Variants in CXCL6 observed in about 807,000 individuals in gnomAD.
The protein encoded by CXCL6 is C-X-C motif chemokine 6.
CXCL6 carries 18 observed loss-of-function variants against 10.5 expected under a neutral mutation model. That is an observed-to-expected ratio of 1.71 (90% CI 1.18 to 2.54). The LOEUF is 2.54. Ranked by LOEUF, CXCL6 falls within the 30% of genes most tolerant of loss-of-function variation. The pLI, the probability that CXCL6 is intolerant of heterozygous loss-of-function variation, is 0.00. For missense variants in CXCL6, 171 were observed against 145.7 expected, an observed-to-expected ratio of 1.17 and a Z score of -0.90; for synonymous variants, 82 against 68.3, an observed-to-expected ratio of 1.20 and a Z score of -0.99.
rs763292477 is a variant in CXCL6, at chr4:73,836,802, T to C, written c.52T>C (p.Leu18=). 1.2e-6 allele frequency: 2 copies of C among 1,612,278 alleles called. No homozygotes were observed. Among genetic ancestry groups the C allele is most frequent in the South Asian group, 2.2e-5 (2 of 90,964 alleles). ...AARVPGPSGS[L]CALLALLLLL... ...CCGTGTCCCGGGTCCTTCGGGCTCCTTGTGCGCGCTGCTCGCGCTGCTGCT... is the reference window on the plus strand; with the variant it reads ...CCGTGTCCCGGGTCCTTCGGGCTCCCTGTGCGCGCTGCTCGCGCTGCTGCT... Residue 18 remains leucine (L), a synonymous_variant, in exon 1 of 4, where the codon TTG becomes CTG. Coordinates refer to ENST00000226317, the MANE Select transcript of CXCL6 (RefSeq NM_002993.4).
intron 1 of CXCL6, 21 bp from the exon 2 acceptor site, chr4:73,836,942 TA>T (rs1455472418): frequency 6.2e-7 from 1 of 1,603,560 alleles, no homozygotes; most frequent in African/African-American, 1.3e-5. Flanking sequence ...ACCTGCCCTA[TA>T]AAAATGTCTT....
At chr4:73,837,159 A>C (rs201300540) in intron 2 of CXCL6, 44 bp from the exon 3 acceptor site, 3 of 1,613,594 alleles carry the variant, frequency 1.9e-6, no homozygotes, top group South Asian at 2.2e-5. Context: ...CTGGGTCGTC[A>C]ACCTTTGTGG....
Position 73,837,625 on chromosome 4 carries a change from G to A in CXCL6, c.329G>A (p.Gly110Glu). The A allele has an allele frequency of 6.4e-7, 1 of 1,555,462 alleles. No homozygotes were observed. The highest frequency in any genetic ancestry group is 8.6e-7 in the Non-Finnish European group (1 of 1,162,924). Residue 110 changes from glycine to glutamate, a missense_variant and splice_region_variant, in exon 4 of 4, where the codon GGA becomes GAA. Physicochemically the swap from Gly to Glu is moderately conservative, Grantham distance 98. Coordinates refer to ENST00000226317, the MANE Select transcript of CXCL6 (RefSeq NM_002993.4). ...KKVIQKILDS[G>E]NKKN ...TAATATAACTCTTTTCTCAACAGTGGAAACAAGAAAAACTGAGTAACAAAA... is the reference window on the plus strand; with the variant it reads ...TAATATAACTCTTTTCTCAACAGTGAAAACAAGAAAAACTGAGTAACAAAA...
Position 73,836,798 on chromosome 4 carries a change from C to T in CXCL6, c.48C>T (p.Gly16=). The T allele has an allele frequency of 6.2e-7, 1 of 1,612,244 alleles. No individual in the cohort carries two copies. The highest frequency in any genetic ancestry group is 8.5e-7 in the Non-Finnish European group (1 of 1,179,500). The change falls in exon 1 of 4, where the codon GGC becomes GGT. Residue 16 remains glycine, a synonymous_variant. Transcript: ENST00000226317. ...CGGCCCGTGTCCCGGGTCCTTCGGG[C>T]TCCTTGTGCGCGCTGCTCGCGCTGC... ...SRAARVPGPS[G]SLCALLALLL...
At position 73,837,740 on chromosome 4, in the gene CXCL6, T is replaced by C. The variant is rs1456159845; in HGVS notation, c.*99T>C. 3.0e-6 allele frequency: 3 copies of C among 997,402 alleles called. No individual in the cohort carries two copies. In the African/African-American group the frequency reaches 5.1e-5, roughly 17 times the overall value. The allele number at this position is 997,402 out of a possible 1,614,324, so 61.8% of individuals were successfully genotyped here. A position where few individuals can be genotyped will look rare whatever the true frequency, so the allele number is the denominator to read the frequency against. ...AGTAAGAATAAGAAGGAAGGGTTGG[T>C]TTTTTTCCATTTTCTACATGGATTC... is the stretch of plus-strand genomic sequence containing the variant. On this transcript the variant is annotated 3_prime_UTR_variant, in exon 4 of 4. Coordinates refer to ENST00000226317, the MANE Select transcript of CXCL6 (RefSeq NM_002993.4).
rs767705063 is a variant in CXCL6, at chr4:73,837,664, A to T, written c.*23A>T. The T allele has an allele frequency of 6.5e-7, 1 of 1,548,628 alleles. No homozygotes were observed. The highest frequency in any genetic ancestry group is 8.6e-7 in the Non-Finnish European group (1 of 1,159,468). On this transcript the variant is annotated 3_prime_UTR_variant, in exon 4 of 4. Coordinates refer to ENST00000226317, the MANE Select transcript of CXCL6 (RefSeq NM_002993.4). ...TGAGTAACAAAAAAGACCATGCATC[A>T]TAAAATTGCCCAGTCTTCAGCGGAG...
chr4:73,837,982 C>T lies in CXCL6; in HGVS notation c.*341C>T, dbSNP rs73828860. ...AGATAACTATTGTATTTCTATCATA[C>T]ATTCCTTAAAGTCTTACCGAAAAGG... On this transcript the variant is annotated 3_prime_UTR_variant, in exon 4 of 4. Coordinates refer to ENST00000226317, the MANE Select transcript of CXCL6 (RefSeq NM_002993.4). The T allele has an allele frequency of 0.038, 7,774 of 205,984 alleles. 178 individuals carry two copies. Among genetic ancestry groups the T allele is most frequent in the African/African-American group, 0.073 (3,195 of 43,706 alleles). The allele number at this position is 205,984 out of a possible 1,614,324, so 12.8% of individuals were successfully genotyped here.
chr4:73,837,252 T>G lies in CXCL6; in HGVS notation c.292T>G (p.Phe98Val). The change falls in exon 3 of 4, where the codon TTT becomes GTT. Residue 98 changes from phenylalanine (F) to valine (V), a missense_variant. Phe to Val is a conservative substitution (Grantham distance 50, BLOSUM62 -1). Coordinates refer to ENST00000226317, the MANE Select transcript of CXCL6 (RefSeq NM_002993.4). ...KQVCLDPEAP[F>V]LKKVIQKILD... The stretch of plus-strand genomic sequence containing the variant: ...AGTTTGTCTGGACCCGGAAGCCCCT[T>G]TTCTAAAGAAAGTCATCCAGAAAAT... 1 of 1,614,218 alleles carries G rather than the reference T, an allele frequency of 6.2e-7. No individual in the cohort carries two copies. The highest frequency in any genetic ancestry group is 8.5e-7 in the Non-Finnish European group (1 of 1,180,032).
chr4:73,837,574 T>C (rs1168650051), intron 3 of CXCL6, 49 bp from the exon 4 acceptor site: 1 of 1,551,780 alleles, frequency 6.4e-7, no homozygotes, highest in Middle Eastern at 1.7e-4. Flanking sequence ...AAATGTAGCA[T>C]ACAAGAGTGT....
rs200901978 is a variant in CXCL6, at chr4:73,836,846, G to T, written c.96G>T (p.Gly32=). ...TGCTGCTCCTGCTGACGCCGCCGGG[G>T]CCCCTCGCCAGCGGTGAGAGCTCCT... ...LALLLLLTPP[G]PLASAGPVSA... Residue 32 remains glycine (G), a synonymous_variant, in exon 1 of 4, where the codon GGG becomes GGT. Transcript: ENST00000226317. 6.2e-7 allele frequency: 1 copy of T among 1,612,234 alleles called. No homozygotes were observed. Among genetic ancestry groups the T allele is most frequent in the South Asian group, 1.1e-5 (1 of 90,942 alleles).
intron 3 of CXCL6, 34 bp from the exon 4 acceptor site, chr4:73,837,589 A>G (rs756198302): frequency 1.9e-6 from 3 of 1,566,032 alleles, no homozygotes; most frequent in South Asian, 2.4e-5. Context: ...GAGTGTGGGA[A>G]TTGGTTATAC....
rs2109754549 is a variant in CXCL6 at position 73,837,427 on chromosome 4, C to A, written c.326+141C>A. 4.1e-6 allele frequency: 4 copies of A among 976,514 alleles called. No individual in the cohort carries two copies. In the East Asian group the frequency reaches 1.0e-4, roughly 25 times the overall value. 60.5% of individuals were successfully genotyped at this position (976,514 alleles called of 1,614,324 possible). A position where few individuals can be genotyped will look rare whatever the true frequency, so the allele number is the denominator to read the frequency against. ...TAAGAAGAATAAGGAAACTTTTTTT[C>A]TGGAATGTTCTGGGTAAACCTTTAT... On this transcript the variant is annotated intron_variant, in intron 3 of 3. Coordinates refer to ENST00000226317, the MANE Select transcript of CXCL6 (RefSeq NM_002993.4).
rs368709728 is a variant in CXCL6 at position 73,836,895 on chromosome 4, C to T, written c.109+36C>T. The T allele has an allele frequency of 1.9e-6, 3 of 1,608,874 alleles. No individual in the cohort carries two copies. The South Asian group carries it at 3.3e-5, about 18-fold the overall frequency. On this transcript the variant is annotated intron_variant, in intron 1 of 3. Coordinates refer to ENST00000226317, the MANE Select transcript of CXCL6 (RefSeq NM_002993.4). Reference sequence around the variant, plus strand: ...CTGGCACTGGGGTGCATCCCAGCCTCTGCGGGGCCGCTGCGTTCCAGGGAA... The same window carrying T: ...CTGGCACTGGGGTGCATCCCAGCCTTTGCGGGGCCGCTGCGTTCCAGGGAA...
At chr4:73,837,473 A>G (rs142978244) in intron 3 of CXCL6, 150 bp from the exon 4 acceptor site, 136 of 920,376 alleles carry the variant, frequency 1.5e-4, no homozygotes, top group Non-Finnish European at 2.2e-4. Flanking sequence ...ACATGCCTGA[A>G]CAATTACACA....
chr4:73,837,725 A>T lies in CXCL6; in HGVS notation c.*84A>T. ...GAGATCCCTGGACCCAGTAAGAATA[A>T]GAAGGAAGGGTTGGTTTTTTTCCAT... On this transcript the variant is annotated 3_prime_UTR_variant, in exon 4 of 4. Coordinates refer to ENST00000226317, the MANE Select transcript of CXCL6 (RefSeq NM_002993.4). 1 of 1,206,326 alleles carries T rather than the reference A, an allele frequency of 8.3e-7. No homozygotes were observed. The highest frequency in any genetic ancestry group is 1.1e-6 in the Non-Finnish European group (1 of 875,556). The allele number at this position is 1,206,326 out of a possible 1,614,324, so 74.7% of individuals were successfully genotyped here. A position where few individuals can be genotyped will look rare whatever the true frequency, so the allele number is the denominator to read the frequency against.
rs879022227 is a variant in CXCL6 at position 73,836,748 on chromosome 4, A to G, written c.-3A>G. 1.2e-6 allele frequency: 2 copies of G among 1,608,038 alleles called. No individual in the cohort carries two copies. Among genetic ancestry groups the G allele is most frequent in the Non-Finnish European group, 1.7e-6 (2 of 1,177,836 alleles). On this transcript the variant is annotated 5_prime_UTR_variant, in exon 1 of 4. Transcript: ENST00000226317. Reference sequence around the variant, plus strand: ...GGAACCCGCGAACCCTCTCTTGACCACTATGAGCCTCCCGTCCAGCCGCGC... The same window carrying G: ...GGAACCCGCGAACCCTCTCTTGACCGCTATGAGCCTCCCGTCCAGCCGCGC...
Position 73,836,712 on chromosome 4 carries a change from C to A in CXCL6, c.-39C>A. 6.4e-7 allele frequency: 1 copy of A among 1,551,012 alleles called. No homozygotes were observed. The highest frequency in any genetic ancestry group is 8.8e-7 in the Non-Finnish European group (1 of 1,139,482). On this transcript the variant is annotated 5_prime_UTR_variant, in exon 1 of 4. Coordinates refer to ENST00000226317, the MANE Select transcript of CXCL6 (RefSeq NM_002993.4). ...CTGTATCCTCCAGTCTCCGCGCCTC[C>A]ACCCAGCTCAGGAACCCGCGAACCC... is the stretch of plus-strand genomic sequence containing the variant.
Position 73,836,810 on chromosome 4 carries a change from G to A in CXCL6, c.60G>A (p.Ala20=), listed in dbSNP as rs373291221. 5 of 1,611,978 alleles carry A rather than the reference G, an allele frequency of 3.1e-6. No homozygotes were observed. Among genetic ancestry groups the A allele is most frequent in the Non-Finnish European group, 4.2e-6 (5 of 1,179,372 alleles). Residue 20 remains alanine (A), a synonymous_variant, in exon 1 of 4, where the codon GCG becomes GCA. Coordinates refer to ENST00000226317, the MANE Select transcript of CXCL6 (RefSeq NM_002993.4). The stretch of plus-strand genomic sequence containing the variant: ...CGGGTCCTTCGGGCTCCTTGTGCGC[G>A]CTGCTCGCGCTGCTGCTCCTGCTGA... ...RVPGPSGSLC[A]LLALLLLLTP...
Position 73,837,893 on chromosome 4 carries a change from GC to G in CXCL6, c.*253del, listed in dbSNP as rs1560513146. On this transcript the variant is annotated 3_prime_UTR_variant, in exon 4 of 4. Coordinates refer to ENST00000226317, the MANE Select transcript of CXCL6 (RefSeq NM_002993.4). ...ACCTGATAAGTTATTGAACCCTTTG[GC>G]AATTGACCATATTGTGAGCAAAGAA... 1 of 367,178 alleles carries G rather than the reference GC, an allele frequency of 2.7e-6. No homozygotes were observed. Among genetic ancestry groups the G allele is most frequent in the Non-Finnish European group, 4.9e-6 (1 of 202,290 alleles). The allele number at this position is 367,178 out of a possible 1,614,324, so 22.7% of individuals were successfully genotyped here.
Sources: gnomAD v4.1 joint callset for allele counts on GRCh38, gnomAD v4.1.1 for gene constraint, MANE v1.5 for transcripts, NCBI Gene and HGNC (gene_info 2026-07-23, HGNC 2026-07-21) for gene names.